The following SCD5 variants were observed in gnomAD, a reference collection of about 807,000 sequenced individuals.
SCD5 encodes stearoyl-CoA desaturase 5, also known as acyl-CoA-desaturase 4.
In SCD5, 20 loss-of-function variants were observed where a neutral mutation model predicts 30.4. The observed-to-expected ratio is 0.66, with a 90% confidence interval of 0.46 to 0.96. SCD5 has a LOEUF of 0.96. SCD5 is among the 40% of genes least tolerant of loss of function. The pLI is 0.00. For missense variants in SCD5, 381 were observed against 443.3 expected (o/e 0.86, Z 1.26); for synonymous variants, 173 against 176.4 (o/e 0.98, Z 0.16).
intron 1 of SCD5, among the ~76,000 whole-genome samples, chr4:82,766,706 T>A (rs1296962297): frequency 2.6e-5 from 4 of 152,244 alleles, no homozygotes; most frequent in African/African-American, 9.6e-5. Context: ...TTTGTGTTCC[T>A]ATAAAGATTG....
chr4:82,720,328 G>C (rs542892698), intron 1 of SCD5, among the ~76,000 whole-genome samples: 2 of 151,120 alleles, frequency 1.3e-5, no homozygotes, highest in Non-Finnish European at 2.9e-5. Flanking sequence ...AGCTACTCGG[G>C]AAGCTGAGGT....
At chr4:82,724,189 G>T (rs569604092) in intron 1 of SCD5, among the ~76,000 whole-genome samples, 1 of 152,232 alleles carries the variant, frequency 6.6e-6, no homozygotes, top group Admixed American at 6.5e-5. Context: ...TAAAAGTCTG[G>T]GGAAAACAAG....
intron 1 of SCD5, among the ~76,000 whole-genome samples, chr4:82,711,190 C>A (rs544555975): frequency 8.5e-5 from 13 of 152,248 alleles, no homozygotes; most frequent in East Asian, 1.9e-4. Context: ...AGATCCCCCC[C>A]CCGATAACCC....
chr4:82,730,579 TC>T (rs1468026560), intron 1 of SCD5, among the ~76,000 whole-genome samples: 1 of 138,202 alleles, frequency 7.2e-6, no homozygotes, highest in Non-Finnish European at 1.5e-5. Context: ...TGTATTTTTT[TC>T]CCTTCTTTTT....
intron 3 of SCD5, among the ~76,000 whole-genome samples, chr4:82,659,060 T>C (rs1727929611): frequency 6.6e-6 from 1 of 152,128 alleles, no homozygotes; most frequent in African/African-American, 2.4e-5. Context: ...GGTGTAGTCC[T>C]GGAAGAGTGG....
chr4:82,730,234 TA>T (rs1720598397), intron 1 of SCD5, among the ~76,000 whole-genome samples: 1 of 142,850 alleles, frequency 7.0e-6, no homozygotes, highest in African/African-American at 2.5e-5. Context: ...TTATATATAA[TA>T]TTTAAAAACA....
chr4:82,753,852 T>G (rs1027533400), intron 1 of SCD5, among the ~76,000 whole-genome samples: 8 of 152,274 alleles, frequency 5.3e-5, no homozygotes, highest in African/African-American at 1.9e-4. Context: ...GCGTATTCCA[T>G]TTCCTTGAGG....
chr4:82,679,294 A>AAGAAAGAAAG (rs1728516954), intron 3 of SCD5, among the ~76,000 whole-genome samples: 2 of 148,974 alleles, frequency 1.3e-5, no homozygotes, highest in African/African-American at 5.0e-5. Flanking sequence ...GAAGGAAAGA[A>AAGAAAGAAAG]AGAAAGAAAA....
intron 2 of SCD5, among the ~76,000 whole-genome samples, chr4:82,702,722 C>G (rs1442812302): frequency 1.3e-5 from 2 of 152,106 alleles, no homozygotes; most frequent in Non-Finnish European, 2.9e-5. Context: ...TTGAAACTAT[C>G]TTTAAAAACC....
chr4:82,747,093 C>G (rs895981573), intron 1 of SCD5, among the ~76,000 whole-genome samples: 1 of 148,384 alleles, frequency 6.7e-6, no homozygotes, highest in South Asian at 2.2e-4. Flanking sequence ...ACGACCTTCC[C>G]ACTCCATCCC....
At chr4:82,795,362 G>T (rs1448746160) in intron 1 of SCD5, among the ~76,000 whole-genome samples, 2 of 152,194 alleles carry the variant, frequency 1.3e-5, no homozygotes, top group Non-Finnish European at 2.9e-5. Context: ...CAGTAGGGAG[G>T]TGGTGAAAAA....
At chr4:82,712,144 C>G (rs1035363802) in intron 1 of SCD5, among the ~76,000 whole-genome samples, 2 of 145,492 alleles carry the variant, frequency 1.4e-5, no homozygotes, top group Non-Finnish European at 3.0e-5. Flanking sequence ...AGTGATAGAG[C>G]CAGGATACAA....
chr4:82,738,874 A>G (rs1400821671), intron 1 of SCD5, among the ~76,000 whole-genome samples: 3 of 152,090 alleles, frequency 2.0e-5, no homozygotes, highest in African/African-American at 7.2e-5. Flanking sequence ...ATCTTCACCA[A>G]CCCCATTTTA....
intron 1 of SCD5, among the ~76,000 whole-genome samples, chr4:82,757,010 C>T (rs1172435111): frequency 6.6e-6 from 1 of 152,108 alleles, no homozygotes; most frequent in African/African-American, 2.4e-5. Flanking sequence ...GGATTATAGG[C>T]GTGAGCCACT....
At chr4:82,704,531 C>T (rs2148827261) in intron 2 of SCD5, among the ~76,000 whole-genome samples, 1 of 152,282 alleles carries the variant, frequency 6.6e-6, no homozygotes, top group African/African-American at 2.4e-5. Context: ...AAGAATATGG[C>T]CCAATCCTAG....
At chr4:82,793,182 T>C (rs1297521206) in intron 1 of SCD5, among the ~76,000 whole-genome samples, 1 of 152,162 alleles carries the variant, frequency 6.6e-6, no homozygotes, top group African/African-American at 2.4e-5. Context: ...TAATTGAGCA[T>C]TAAAGTTTTT....
chr4:82,665,417 C>G (rs1284263068), intron 3 of SCD5, among the ~76,000 whole-genome samples: 1 of 151,586 alleles, frequency 6.6e-6, no homozygotes, highest in Non-Finnish European at 1.5e-5. Flanking sequence ...AATCAAACTG[C>G]TGAAAACTGA....
At chr4:82,715,703 T>C (rs1259652849) in intron 1 of SCD5, among the ~76,000 whole-genome samples, 1 of 151,764 alleles carries the variant, frequency 6.6e-6, no homozygotes, top group East Asian at 1.9e-4. Flanking sequence ...TGAGGTCTCG[T>C]GAAGGAAAAG....
intron 2 of SCD5, among the ~76,000 whole-genome samples, chr4:82,690,981 G>A (rs530271789): frequency 1.3e-5 from 2 of 151,404 alleles, no homozygotes; most frequent in Non-Finnish European, 2.9e-5. Flanking sequence ...AACAAAGGAG[G>A]ACCTTAATAT....
Sources: allele counts gnomAD v4.1 joint callset (sites outside exome capture counted in the v4.1 genomes callset), GRCh38; gene constraint gnomAD v4.1.1; transcripts MANE v1.5; gene names NCBI Gene and HGNC (gene_info 2026-07-23, HGNC 2026-07-21).